COL11A1: variants seen among roughly 807,000 people sequenced by gnomAD.
The protein encoded by COL11A1 is collagen type XI alpha 1 chain, also known as collagen alpha-1(XI) chain.
A neutral mutation model predicts 265.2 loss-of-function variants in COL11A1; 74 were observed. That is an observed-to-expected ratio of 0.28 (90% CI 0.23 to 0.34). The LOEUF (loss-of-function observed/expected upper bound fraction) is 0.34. Among genes scored for constraint, COL11A1 ranks in the 10% least tolerant of loss-of-function variants. COL11A1 has a pLI of 1.00. For synonymous variants in COL11A1, 816 were observed against 727.6 expected, an observed-to-expected ratio of 1.12 and a Z score of -1.96; for missense variants, 2,165 against 2,263.6, an observed-to-expected ratio of 0.96 and a Z score of 0.88.
chr1:102,885,137 C>T (rs1650806866), intron 63 of COL11A1, among the ~76,000 whole-genome samples: 1 of 152,190 alleles, frequency 6.6e-6, no homozygotes, highest in African/African-American at 2.4e-5. Flanking sequence ...ACACAGCTGT[C>T]CCTGCCTTAT....
At chr1:102,908,448 A>T (rs2100994115) in intron 54 of COL11A1, among the ~76,000 whole-genome samples, 1 of 152,232 alleles carries the variant, frequency 6.6e-6, no homozygotes, top group Non-Finnish European at 1.5e-5. Flanking sequence ...AGAATTTATG[A>T]CTGGAGGTCA....
intron 36 of COL11A1, among the ~76,000 whole-genome samples, chr1:102,972,719 T>C (rs1451537475): frequency 2.0e-5 from 3 of 152,088 alleles, no homozygotes; most frequent in Admixed American, 1.3e-4. Context: ...TAAATGAGGG[T>C]ATGCAGATTT....
chr1:103,012,546 G>A, intron 13 of COL11A1, 77 bp from the exon 14 acceptor site: 2 of 1,093,812 alleles, frequency 1.8e-6, no homozygotes, highest in Non-Finnish European at 2.8e-6. Flanking sequence ...ATCTGCACAA[G>A]CTGCCCTTAA....
Position 102,880,050 on chromosome 1 carries a change from TG to T in COL11A1, c.5041-135del, listed in dbSNP as rs1650033910. The T allele has an allele frequency of 4.6e-6, 3 of 655,034 alleles. No individual in the cohort carries two copies. In the African/African-American group the frequency reaches 5.5e-5, roughly 12 times the overall value. 40.6% of individuals were successfully genotyped at this position (655,034 alleles called of 1,614,324 possible). ...AATCAAAAGACCCACCTTAACCTAATGAAAAAAAGTGTACATTGAGGGTCAG... is the reference window on the plus strand; with the variant it reads ...AATCAAAAGACCCACCTTAACCTAATAAAAAAAGTGTACATTGAGGGTCAG... On this transcript the variant is annotated intron_variant, in intron 65 of 66. Coordinates refer to ENST00000370096, the MANE Select transcript of COL11A1 (RefSeq NM_001854.4).
chr1:102,956,877 A>AC (rs1307046372), intron 41 of COL11A1, among the ~76,000 whole-genome samples: 1 of 151,746 alleles, frequency 6.6e-6, no homozygotes, highest in African/African-American at 2.4e-5. Flanking sequence ...ATTCAAACTG[A>AC]CTAAAAAAAA....
At chr1:103,024,358 T>C (rs1210722287) in intron 7 of COL11A1, among the ~76,000 whole-genome samples, 1 of 152,182 alleles carries the variant, frequency 6.6e-6, no homozygotes, top group Non-Finnish European at 1.5e-5. Flanking sequence ...TCTTGCCAAT[T>C]TGTAAATTTC....
intron 41 of COL11A1, among the ~76,000 whole-genome samples, chr1:102,958,626 G>T (rs888124916): frequency 6.6e-6 from 1 of 152,202 alleles, no homozygotes; most frequent in South Asian, 2.1e-4. Flanking sequence ...AATGTGTATG[G>T]TGTCTTCCTT....
In COL11A1 at chr1:103,031,164, G is replaced by T; in HGVS notation, c.732C>A (p.Asp244Glu). 6.2e-7 allele frequency: 1 copy of T among 1,612,570 alleles called. No homozygotes were observed. Residue 244 changes from aspartate (D) to glutamate (E), a missense_variant, in exon 5 of 67, where the codon GAC becomes GAA. By Grantham distance (45) the Asp-to-Glu change is conservative (BLOSUM62 2). Coordinates refer to ENST00000370096, the MANE Select transcript of COL11A1 (RefSeq NM_001854.4). ...CTTGAGCAGCCTTGGGTGCTGAAGA[G>T]TCACAGTCTGGACTATAATGCTCAC... The part of the protein sequence containing the change: ...DYCEHYSPDC[D>E]SSAPKAAQAQ...
intron 13 of COL11A1, 84 bp downstream of exon 13, chr1:103,014,427 T>C (rs1418612444): frequency 9.2e-7 from 1 of 1,088,578 alleles, no homozygotes; most frequent in South Asian, 1.3e-5. Flanking sequence ...CTATTAATAA[T>C]GGTAGCATCT....
At chr1:102,995,715 G>C in intron 28 of COL11A1, 149 bp downstream of exon 28, 1 of 687,116 alleles carries the variant, frequency 1.5e-6, no homozygotes, top group Non-Finnish European at 2.5e-6. Context: ...TTGTTTTTAA[G>C]TTGTGAGGAT....
chr1:102,907,998 G>T (rs1287025648), intron 54 of COL11A1, among the ~76,000 whole-genome samples: 2 of 152,010 alleles, frequency 1.3e-5, no homozygotes, highest in Non-Finnish European at 2.9e-5. Context: ...CCCTAAAGTG[G>T]CAGTGCCCAG....
intron 42 of COL11A1, among the ~76,000 whole-genome samples, chr1:102,945,472 G>A (rs921744166): frequency 2.6e-5 from 4 of 152,038 alleles, no homozygotes; most frequent in African/African-American, 9.7e-5. Flanking sequence ...AGAAATATTG[G>A]AATAATATCA....
chr1:102,913,016 C>T (rs1300589187), intron 53 of COL11A1, among the ~76,000 whole-genome samples: 2 of 152,122 alleles, frequency 1.3e-5, no homozygotes, highest in Non-Finnish European at 2.9e-5. Flanking sequence ...AATACACATG[C>T]TGAGATATGA....
chr1:102,984,303 A>T, intron 30 of COL11A1, 112 bp from the exon 31 acceptor site: 1 of 660,234 alleles, frequency 1.5e-6, no homozygotes, highest in Non-Finnish European at 2.5e-6. Context: ...CTCAAAAGGA[A>T]GATTTGCAGA....
At chr1:102,979,264 C>A in intron 32 of COL11A1, 118 bp downstream of exon 32, 1 of 1,220,112 alleles carries the variant, frequency 8.2e-7, no homozygotes, top group Non-Finnish European at 1.2e-6. Context: ...CCTGGAACTC[C>A]GGGATTCAAG....
intron 30 of COL11A1, among the ~76,000 whole-genome samples, 189 bp from the exon 31 acceptor site, chr1:102,984,380 T>C (rs1663337182): frequency 6.6e-6 from 1 of 152,080 alleles, no homozygotes; most frequent in Admixed American, 6.6e-5. Flanking sequence ...TTTGAACATA[T>C]TTCTAATGTT....
chr1:103,022,687 TA>T (rs1667191745), intron 8 of COL11A1, 54 bp downstream of exon 8: 1 of 1,607,832 alleles, frequency 6.2e-7, no homozygotes, highest in Non-Finnish European at 8.5e-7. Flanking sequence ...GACATGGACA[TA>T]AAAATATCCC....
chr1:102,935,216 C>T, intron 44 of COL11A1, 103 bp from the exon 45 acceptor site: 1 of 862,790 alleles, frequency 1.2e-6, no homozygotes, highest in Non-Finnish European at 1.9e-6. Flanking sequence ...CTTCTGCACT[C>T]CTTTGGAAAA....
At chr1:102,908,218 A>AT (rs893169645) in intron 54 of COL11A1, among the ~76,000 whole-genome samples, 3 of 151,848 alleles carry the variant, frequency 2.0e-5, no homozygotes, top group Non-Finnish European at 4.4e-5. Flanking sequence ...CCTTTGGCAT[A>AT]TTTTTTTCTA....
Sources: gnomAD v4.1 joint callset for allele counts (sites outside exome capture counted in the v4.1 genomes callset) on GRCh38, gnomAD v4.1.1 for gene constraint, MANE v1.5 for transcripts, NCBI Gene and HGNC (gene_info 2026-07-23, HGNC 2026-07-21) for gene names.